The following GPC6 variants were observed in gnomAD, a reference collection of about 807,000 sequenced individuals.
GPC6 encodes the protein glypican 6, also known as glypican-6.
GPC6 carries 14 observed loss-of-function variants against 55.2 expected under a neutral mutation model. The ratio of observed to expected loss-of-function variants is 0.25; its 90% CI spans 0.17 to 0.40. GPC6 has a LOEUF of 0.40. Among genes scored for constraint, GPC6 ranks in the 10% least tolerant of loss-of-function variants. GPC6 has a pLI of 1.00. For missense variants in GPC6, 641 were observed against 708.5 expected (o/e 0.90, Z 1.08); for synonymous variants, 278 against 259.6 (o/e 1.07, Z -0.68).
rs5805851 is a variant in GPC6, at chr13:94,145,561, GA to G, written c.877+117675del. Among the ~76,000 whole-genome samples, 10 of 151,642 alleles carry G rather than the reference GA, an allele frequency of 6.6e-5. No individual in the cohort carries two copies. In the East Asian group the frequency reaches 1.7e-3, roughly 27 times the overall value. On this transcript the variant is annotated intron_variant, in intron 4 of 8. Coordinates refer to ENST00000377047, the MANE Select transcript of GPC6 (RefSeq NM_005708.5). ...AGAATCTAAAATAAAAGTTGAAAAA[GA>G]AAAAAAATGGTAGCATGAGAAGTGT... is the stretch of plus-strand genomic sequence containing the variant.
At chr13:93,810,818 A>T (rs1299024575) in intron 2 of GPC6, among the ~76,000 whole-genome samples, 1 of 152,212 alleles carries the variant, frequency 6.6e-6, no homozygotes, top group Non-Finnish European at 1.5e-5. Context: ...ATTTGCTTTA[A>T]GTTTTTATTC....
At chr13:93,725,333 T>C (rs894736903) in intron 2 of GPC6, among the ~76,000 whole-genome samples, 3 of 152,050 alleles carry the variant, frequency 2.0e-5, no homozygotes, top group African/African-American at 7.2e-5. Flanking sequence ...GAGTTTACTC[T>C]TGGTTGTAAG....
At chr13:93,503,628 T>C (rs1303343363) in intron 1 of GPC6, among the ~76,000 whole-genome samples, 1 of 152,118 alleles carries the variant, frequency 6.6e-6, no homozygotes, top group Non-Finnish European at 1.5e-5. Context: ...TCCATTTGTG[T>C]GTATATCGGA....
chr13:93,961,681 G>C (rs765680111), intron 3 of GPC6, among the ~76,000 whole-genome samples: 3 of 152,110 alleles, frequency 2.0e-5, no homozygotes, highest in Non-Finnish European at 4.4e-5. Flanking sequence ...CTTAGTAAAT[G>C]GTTTAAAGAT....
intron 1 of GPC6, among the ~76,000 whole-genome samples, chr13:93,236,448 G>A (rs866078503): frequency 1.3e-4 from 20 of 152,128 alleles, no homozygotes; most frequent in Middle Eastern, 6.8e-3. Context: ...CCCAGGCCAT[G>A]GACTGGTAAT....
intron 4 of GPC6, among the ~76,000 whole-genome samples, chr13:94,052,277 C>A (rs1883975736): frequency 6.6e-6 from 1 of 152,100 alleles, no homozygotes; most frequent in African/African-American, 2.4e-5. Flanking sequence ...TCAGGTCATG[C>A]ATTATAAGCA....
In GPC6 at chr13:93,640,688, G is replaced by C. The variant is rs191770488; in HGVS notation, c.319+95267G>C. Reference sequence around the variant, plus strand: ...TTTTTCTTTTTCTCCCTCCCTCCCCGCTCCCTGTTTCCCCTCAGTCCTCCC... The same window carrying C: ...TTTTTCTTTTTCTCCCTCCCTCCCCCCTCCCTGTTTCCCCTCAGTCCTCCC... On this transcript the variant is annotated intron_variant, in intron 2 of 8. Transcript: ENST00000377047. Among the ~76,000 whole-genome samples, 257 of 118,734 alleles carry C rather than the reference G, an allele frequency of 2.2e-3. 2 individuals are homozygous for C. The highest frequency in any genetic ancestry group is 7.9e-3 in the African/African-American group (232 of 29,480). The allele number at this position is 118,734 out of a possible 152,430, so 77.9% of individuals were successfully genotyped here. A position where few individuals can be genotyped will look rare whatever the true frequency, so the allele number is the denominator to read the frequency against.
upstream of GPC6, among the ~76,000 whole-genome samples, chr13:93,224,967 C>T (rs372106541): frequency 7.2e-5 from 11 of 152,288 alleles, no homozygotes; most frequent in East Asian, 1.9e-4. Context: ...AGTATAGGGA[C>T]GGTGTGCAAT....
At chr13:93,810,077 A>G (rs1411504) in intron 2 of GPC6, among the ~76,000 whole-genome samples, 1 of 151,460 alleles carries the variant, frequency 6.6e-6, no homozygotes, top group Non-Finnish European at 1.5e-5. Context: ...TTCCCTACGC[A>G]TATTGTCTCA....
In GPC6 at chr13:93,830,155, A is replaced by T; in HGVS notation, c.321A>T (p.Glu107Asp). The change falls in exon 3 of 9, where the codon GAA becomes GAT. Residue 107 changes from glutamate to aspartate, a missense_variant and splice_region_variant. Transcript: ENST00000377047. The stretch of plus-strand genomic sequence containing the variant: ...GACTTCTTTCTGTTTTATCTGCAGA[A>T]TTTTTCCGAGAGCTCCTGGAGAATG... ...TFVSRHKKFD[E>D]FFRELLENAE... 2 of 1,608,128 alleles carry T rather than the reference A, an allele frequency of 1.2e-6. No homozygotes were observed. The highest frequency in any genetic ancestry group is 2.2e-5 in the South Asian group (2 of 90,386).
chr13:93,310,105 C>T lies in GPC6; in HGVS notation c.160+82489C>T, dbSNP rs374477346. On this transcript the variant is annotated intron_variant, in intron 1 of 8. Coordinates refer to ENST00000377047, the MANE Select transcript of GPC6 (RefSeq NM_005708.5). ...TGTGAATACACATTTCACACAGTCT[C>T]ATAGAATCGTACATGTCCAAATCTC... 1.2e-3 allele frequency among the ~76,000 whole-genome samples: 179 copies of T among 152,316 alleles called. 1 individual carries two copies. Among genetic ancestry groups the T allele is most frequent in the African/African-American group, 3.8e-3 (156 of 41,572 alleles).
chr13:94,186,919 T>C (rs1226212140), intron 4 of GPC6: 1 of 152,244 alleles, frequency 6.6e-6, no homozygotes, highest in Non-Finnish European at 1.5e-5. Context: ...GGTTCGATTC[T>C]TGATTTCTCA....
intron 1 of GPC6, among the ~76,000 whole-genome samples, chr13:93,284,365 G>T (rs184483596): frequency 6.6e-6 from 1 of 152,290 alleles, no homozygotes; most frequent in Admixed American, 6.5e-5. Context: ...GGCTTATGAA[G>T]ATTTATACCA....
chr13:94,035,407 A>G (rs937196083), intron 4 of GPC6, among the ~76,000 whole-genome samples: 6 of 152,120 alleles, frequency 3.9e-5, no homozygotes, highest in Non-Finnish European at 5.9e-5. Flanking sequence ...GATAAAAGGA[A>G]CATGTGATAG....
chr13:93,312,746 T>C lies in GPC6; in HGVS notation c.160+85130T>C, dbSNP rs1879116941. 2.0e-5 allele frequency among the ~76,000 whole-genome samples: 3 copies of C among 152,342 alleles called. No homozygotes were observed. The South Asian group carries it at 6.2e-4, about 32-fold the overall frequency. On this transcript the variant is annotated intron_variant, in intron 1 of 8. Coordinates refer to ENST00000377047, the MANE Select transcript of GPC6 (RefSeq NM_005708.5). ...TTAGTTGAGCACCTTGCAATACTTC[T>C]CTGGTTTAGAATACTGCAGAAACTC... is the stretch of plus-strand genomic sequence containing the variant.
At chr13:94,124,613 G>A (rs1016351051) in intron 4 of GPC6, among the ~76,000 whole-genome samples, 1 of 152,028 alleles carries the variant, frequency 6.6e-6, no homozygotes, top group Non-Finnish European at 1.5e-5. Context: ...AGGGGGAAAC[G>A]GGTCAAGAGA....
At chr13:93,358,418 C>G (rs1192525266) in intron 1 of GPC6, among the ~76,000 whole-genome samples, 1 of 152,148 alleles carries the variant, frequency 6.6e-6, no homozygotes, top group Non-Finnish European at 1.5e-5. Flanking sequence ...CTTATGTTCT[C>G]TCATTTTATC....
At chr13:93,334,153 C>G (rs1879959992) in intron 1 of GPC6, among the ~76,000 whole-genome samples, 1 of 152,130 alleles carries the variant, frequency 6.6e-6, no homozygotes, top group South Asian at 2.1e-4. Flanking sequence ...CCCTACCCAT[C>G]TGTAATGCCT....
chr13:93,710,906 A>G (rs1364974493), intron 2 of GPC6, among the ~76,000 whole-genome samples: 1 of 151,844 alleles, frequency 6.6e-6, no homozygotes, highest in African/African-American at 2.4e-5. Flanking sequence ...AAACACCTTA[A>G]GATAAACAAT....
Sources: gnomAD v4.1 joint callset for allele counts (sites outside exome capture counted in the v4.1 genomes callset) on GRCh38, gnomAD v4.1.1 for gene constraint, MANE v1.5 for transcripts, NCBI Gene and HGNC (gene_info 2026-07-23, HGNC 2026-07-21) for gene names.